The following HPS5 variants were observed in gnomAD, a reference collection of about 807,000 sequenced individuals.
HPS5 encodes BLOC-2 complex member HPS5.
HPS5 carries 83 observed loss-of-function variants against 128.0 expected under a neutral mutation model. The ratio of observed to expected loss-of-function variants is 0.65; its 90% confidence interval spans 0.54 to 0.78. The LOEUF (loss-of-function observed/expected upper bound fraction) is 0.78. Ranked by LOEUF, HPS5 falls within the 30% of genes least tolerant of loss-of-function variation. The pLI is 0.00. For missense variants in HPS5, 1,281 were observed against 1,326.2 expected, an observed-to-expected ratio of 0.97 and a Z score of 0.53; for synonymous variants, 475 against 470.2, an observed-to-expected ratio of 1.01 and a Z score of -0.13.
intron 21 of HPS5, among the ~76,000 whole-genome samples, chr11:18,283,391 A>C (rs1298535903): frequency 6.6e-6 from 1 of 151,792 alleles, no homozygotes; most frequent in East Asian, 1.9e-4. Flanking sequence ...TCTGAACCCC[A>C]GCTCCAGCAT....
At chr11:18,280,934 A>G (rs574127211) in intron 22 of HPS5, among the ~76,000 whole-genome samples, 1,816 of 122,686 alleles carry the variant, frequency 0.015, 13 homozygotes, top group Non-Finnish European at 0.023. Flanking sequence ...GTTTTGCAAA[A>G]TGAAAAAGTT....
chr11:18,303,580 G>A (rs1049236270), intron 8 of HPS5, among the ~76,000 whole-genome samples: 2 of 152,156 alleles, frequency 1.3e-5, no homozygotes, highest in African/African-American at 2.4e-5. Flanking sequence ...ATTGTGGCCC[G>A]ACTACTAGAA....
chr11:18,311,756 C>A (rs1863042649), intron 3 of HPS5, 158 bp downstream of exon 3: 1 of 698,204 alleles, frequency 1.4e-6, no homozygotes, highest in Admixed American at 2.1e-5. Context: ...GGTAATCCAT[C>A]CGCCTTGGCC....
chr11:18,280,990 G>A (rs374454131), intron 22 of HPS5, among the ~76,000 whole-genome samples: 7 of 151,562 alleles, frequency 4.6e-5, no homozygotes, highest in African/African-American at 1.7e-4. Flanking sequence ...ATACCACTGA[G>A]CTGAATATTT....
chr11:18,288,180 G>A (rs1859979361), intron 16 of HPS5, among the ~76,000 whole-genome samples, 167 bp from the exon 17 acceptor site: 1 of 152,170 alleles, frequency 6.6e-6, no homozygotes, highest in Admixed American at 6.5e-5. Context: ...AAGTACAAGA[G>A]ATGTAATTTC....
intron 2 of HPS5, among the ~76,000 whole-genome samples, chr11:18,312,940 C>T (rs1863177213): frequency 1.3e-5 from 2 of 152,212 alleles, no homozygotes; most frequent in South Asian, 2.1e-4. Context: ...TAATATGTTA[C>T]ACCATACTGT....
intron 18 of HPS5, chr11:18,286,934 G>A (rs1859820410): frequency 1.6e-6 from 1 of 621,340 alleles, no homozygotes; most frequent in South Asian, 2.0e-5. Context: ...GAGAGAAAGA[G>A]AGAGAGAAAG....
Position 18,297,670 on chromosome 11 carries a change from C to G in HPS5, c.1212G>C (p.Gln404His). ...TADKLEHLKS[Q>H]LDHGTYNDLI... is the part of the protein sequence containing the mutation. ...GATCATTGTAGGTGCCATGGTCCAG[C>G]TGAGATTTCAAATGCTCCAATTTAT... Residue 404 changes from glutamine to histidine, a missense_variant, in exon 11 of 23, where the codon CAG becomes CAC. Gln to His is a conservative substitution (Grantham distance 24). Transcript: ENST00000349215. 1 of 1,614,074 alleles carries G rather than the reference C, an allele frequency of 6.2e-7. No homozygotes were observed. Among genetic ancestry groups the G allele is most frequent in the Non-Finnish European group, 8.5e-7 (1 of 1,179,934 alleles).
chr11:18,304,744 T>C (rs1364757875), intron 8 of HPS5, among the ~76,000 whole-genome samples: 1 of 152,218 alleles, frequency 6.6e-6, no homozygotes, highest in Admixed American at 6.5e-5. Flanking sequence ...TTAACTAGCC[T>C]AAGGGATATC....
Position 18,305,452 on chromosome 11 carries a change from G to A in HPS5, c.866C>T (p.Ser289Phe). ...QYDHTAGSSQ[S>F]LSFPKLLHLS... ...ATGTAAGAGTTTGGGGAAAGACAAA[G>A]ACTGGGAGGATCCAGCTGTATGATC... is the stretch of plus-strand genomic sequence containing the variant. The change falls in exon 8 of 23, where the codon TCT becomes TTT. Residue 289 changes from serine (S) to phenylalanine (F), a missense_variant. Ser to Phe is a radical substitution (Grantham distance 155). Transcript: ENST00000349215. 1 of 1,610,772 alleles carries A rather than the reference G, an allele frequency of 6.2e-7. No homozygotes were observed. The highest frequency in any genetic ancestry group is 1.3e-5 in the African/African-American group (1 of 74,958).
At chr11:18,320,965 G>A (rs1864247210) in intron 1 of HPS5, among the ~76,000 whole-genome samples, 5 of 152,202 alleles carry the variant, frequency 3.3e-5, no homozygotes, top group Admixed American at 2.6e-4. Context: ...CAGTAGAACT[G>A]AGCTCAAATT....
chr11:18,282,323 A>G (rs1554926696), intron 21 of HPS5, 103 bp from the exon 22 acceptor site: 3 of 1,298,450 alleles, frequency 2.3e-6, no homozygotes, highest in East Asian at 2.3e-5. Context: ...AAACGTAAAA[A>G]TATTCAAGAA....
intron 1 of HPS5, among the ~76,000 whole-genome samples, chr11:18,321,726 C>CT (rs1325479168): frequency 2.0e-5 from 3 of 152,192 alleles, no homozygotes; most frequent in African/African-American, 7.2e-5. Flanking sequence ...AAGTTGCAGA[C>CT]TGCCTCATTT....
intron 3 of HPS5, 61 bp from the exon 4 acceptor site, chr11:18,311,512 T>TTA (rs769631140): frequency 0.029 from 13,928 of 477,910 alleles, 59 homozygotes; most frequent in Admixed American, 0.054. Context: ...ATTATTATTA[T>TTA]TTTTTTTTTT....
chr11:18,292,273 A>T (rs1860506970), intron 15 of HPS5, among the ~76,000 whole-genome samples: 1 of 151,198 alleles, frequency 6.6e-6, no homozygotes, highest in Admixed American at 6.6e-5. Flanking sequence ...GCAATGGCAC[A>T]AACATAGCTC....
rs1408785103 is a variant in HPS5, at chr11:18,280,439, AGG to A, written c.3330-499_3330-498del. ...ATTGGAACTCTTGTGCACTGCTGGCAGGAAAGTAAAATGGTGCAGTCTCTACA... is the reference window on the plus strand; with the variant it reads ...ATTGGAACTCTTGTGCACTGCTGGCAAAAGTAAAATGGTGCAGTCTCTACA... On this transcript the variant is annotated intron_variant, in intron 22 of 22. Coordinates refer to ENST00000349215, the MANE Select transcript of HPS5 (RefSeq NM_181507.2). 2.4e-4 allele frequency: 142 copies of A among 590,708 alleles called. 1 individual carries two copies. The highest frequency in any genetic ancestry group is 1.9e-3 in the African/African-American group (103 of 53,368). The allele number at this position is 590,708 out of a possible 1,614,324, so 36.6% of individuals were successfully genotyped here.
rs1564926952 is a variant in HPS5 at position 18,283,948 on chromosome 11, T to C, written c.2952-47A>G. The C allele has an allele frequency of 1.2e-5, 16 of 1,295,462 alleles. 1 individual carries two copies. The highest frequency in any genetic ancestry group is 1.8e-5 in the Non-Finnish European group (16 of 893,516). The allele number at this position is 1,295,462 out of a possible 1,614,324, so 80.2% of individuals were successfully genotyped here. A position where few individuals can be genotyped will look rare whatever the true frequency, so the allele number is the denominator to read the frequency against. On this transcript the variant is annotated intron_variant, in intron 20 of 22. Coordinates refer to ENST00000349215, the MANE Select transcript of HPS5 (RefSeq NM_181507.2). ...AGAAAGGAATAAAAGGCCATGAATT[T>C]ATCTGGAGCTGTGCTGCCCAAAACA...
chr11:18,319,254 ACC>A (rs1864008863), intron 1 of HPS5, among the ~76,000 whole-genome samples: 2 of 83,244 alleles, frequency 2.4e-5, no homozygotes, highest in South Asian at 3.6e-4. Context: ...AAAGACAAAT[ACC>A]ACACACACAC....
chr11:18,301,549 C>A (rs1861716527), intron 8 of HPS5, among the ~76,000 whole-genome samples: 1 of 151,356 alleles, frequency 6.6e-6, no homozygotes, highest in East Asian at 1.9e-4. Flanking sequence ...GTTAAAGCAG[C>A]TGAACTTTCC....
Sources: allele counts gnomAD v4.1 joint callset (sites outside exome capture counted in the v4.1 genomes callset), GRCh38; gene constraint gnomAD v4.1.1; transcripts MANE v1.5; gene names NCBI Gene and HGNC (gene_info 2026-07-23, HGNC 2026-07-21).